GALNTL6: variants seen among roughly 807,000 people sequenced by gnomAD.
The protein encoded by GALNTL6 is polypeptide N-acetylgalactosaminyltransferase like 6.
GALNTL6 carries 46 observed loss-of-function variants against 73.7 expected under a neutral mutation model. The ratio of observed to expected loss-of-function variants is 0.62; its 90% CI spans 0.49 to 0.80. The LOEUF is 0.80. Among genes scored for constraint, GALNTL6 ranks in the 30% least tolerant of loss-of-function variants. The pLI is 0.00. For synonymous variants in GALNTL6, 259 were observed against 263.7 expected, an observed-to-expected ratio of 0.98 and a Z score of 0.17; for missense variants, 604 against 755.0, an observed-to-expected ratio of 0.80 and a Z score of 2.34.
chr4:172,228,904 A>G (rs1334562695), intron 2 of GALNTL6, among the ~76,000 whole-genome samples: 1 of 152,236 alleles, frequency 6.6e-6, no homozygotes, highest in African/African-American at 2.4e-5. Flanking sequence ...TTGGAAAAGC[A>G]TAAACTATAT....
intron 5 of GALNTL6, among the ~76,000 whole-genome samples, chr4:172,662,985 C>G (rs1264821734): frequency 6.6e-6 from 1 of 152,092 alleles, no homozygotes; most frequent in Non-Finnish European, 1.5e-5. Context: ...GGAGAAAGAG[C>G]CTGCTGGGCA....
intron 10 of GALNTL6, among the ~76,000 whole-genome samples, chr4:172,984,226 A>G (rs1164417822): frequency 6.6e-6 from 1 of 152,248 alleles, no homozygotes; most frequent in Admixed American, 6.5e-5. Flanking sequence ...ATAAGGAAAG[A>G]GCTTTAATGG....
intron 2 of GALNTL6, among the ~76,000 whole-genome samples, chr4:172,229,141 C>T (rs1023725556): frequency 2.0e-5 from 3 of 152,084 alleles, no homozygotes; most frequent in African/African-American, 7.2e-5. Context: ...ATTTACAACT[C>T]GAGGCTATCA....
At chr4:173,014,036 C>T (rs890461617) in intron 11 of GALNTL6, among the ~76,000 whole-genome samples, 2 of 137,414 alleles carry the variant, frequency 1.5e-5, no homozygotes, top group African/African-American at 5.1e-5. Flanking sequence ...TGAAATAATC[C>T]GTTTTTTTCC....
intron 2 of GALNTL6, among the ~76,000 whole-genome samples, chr4:171,887,289 A>G (rs753008016): frequency 2.0e-5 from 3 of 152,192 alleles, no homozygotes; most frequent in Non-Finnish European, 4.4e-5. Flanking sequence ...GGAGGAAACA[A>G]AACATTCAAA....
chr4:171,828,091 C>T (rs1734872476), intron 2 of GALNTL6, among the ~76,000 whole-genome samples: 1 of 152,238 alleles, frequency 6.6e-6, no homozygotes, highest in East Asian at 1.9e-4. Context: ...ATACCTGGCA[C>T]CATTCACAAT....
chr4:172,156,181 G>T (rs572065560), intron 2 of GALNTL6, among the ~76,000 whole-genome samples: 1 of 152,158 alleles, frequency 6.6e-6, no homozygotes, highest in African/African-American at 2.4e-5. Context: ...TGAAGTGACT[G>T]CTACGTAGTA....
intron 5 of GALNTL6, among the ~76,000 whole-genome samples, chr4:172,404,037 G>A (rs1012204229): frequency 2.0e-5 from 3 of 151,946 alleles, no homozygotes; most frequent in Non-Finnish European, 4.4e-5. Context: ...TGCCTGCACA[G>A]CCCAGGGGTA....
At chr4:172,176,296 C>T (rs1346570573) in intron 2 of GALNTL6, among the ~76,000 whole-genome samples, 2 of 118,972 alleles carry the variant, frequency 1.7e-5, no homozygotes, top group Non-Finnish European at 1.6e-5. Flanking sequence ...GCCGAGATCG[C>T]GCCACTGCAC....
intron 10 of GALNTL6, among the ~76,000 whole-genome samples, chr4:172,977,781 G>A (rs1750886624): frequency 1.3e-5 from 2 of 152,156 alleles, no homozygotes; most frequent in South Asian, 4.1e-4. Flanking sequence ...TGCAGTAGCT[G>A]TACATGCTTG....
chr4:172,589,139 C>T (rs1235874940), intron 5 of GALNTL6, among the ~76,000 whole-genome samples: 1 of 151,926 alleles, frequency 6.6e-6, no homozygotes, highest in African/African-American at 2.4e-5. Flanking sequence ...ATAGGAGAAA[C>T]ACCTTGTGTT....
intron 5 of GALNTL6, among the ~76,000 whole-genome samples, chr4:172,357,628 G>GAT (rs200429028): frequency 0.052 from 1,302 of 25,038 alleles, 26 homozygotes; most frequent in Middle Eastern, 0.088. Flanking sequence ...TATATATATA[G>GAT]ATATATACAC....
At chr4:172,054,952 A>C (rs1730980463) in intron 2 of GALNTL6, among the ~76,000 whole-genome samples, 2 of 152,150 alleles carry the variant, frequency 1.3e-5, no homozygotes, top group Admixed American at 1.3e-4. Context: ...ACAAACTTTG[A>C]CTGTCTCAAT....
chr4:172,524,290 C>A (rs184838949), intron 5 of GALNTL6, among the ~76,000 whole-genome samples: 2 of 151,224 alleles, frequency 1.3e-5, no homozygotes, highest in Non-Finnish European at 2.9e-5. Flanking sequence ...ACTCTGTCGC[C>A]CAGGCTGGAG....
intron 3 of GALNTL6, among the ~76,000 whole-genome samples, chr4:172,306,199 G>A (rs1175798633): frequency 6.6e-6 from 1 of 152,074 alleles, no homozygotes; most frequent in Admixed American, 6.6e-5. Flanking sequence ...GACCAACCTG[G>A]CTAACATGGT....
intron 3 of GALNTL6, among the ~76,000 whole-genome samples, chr4:172,292,587 A>G (rs1334897212): frequency 1.3e-5 from 2 of 152,124 alleles, no homozygotes; most frequent in South Asian, 2.1e-4. Context: ...TACTGACATC[A>G]TGGTTGTTTA....
chr4:172,334,983 C>CT (rs34428087), intron 4 of GALNTL6, among the ~76,000 whole-genome samples: 1,606 of 141,600 alleles, frequency 0.011, 19 homozygotes, highest in African/African-American at 0.024. Context: ...AATCATATGA[C>CT]TTTTTTTTTT....
At chr4:171,854,925 T>A (rs1192090621) in intron 2 of GALNTL6, among the ~76,000 whole-genome samples, 2 of 152,210 alleles carry the variant, frequency 1.3e-5, no homozygotes, top group Non-Finnish European at 2.9e-5. Context: ...TGCGTTTCTA[T>A]GGGATCAGAC....
chr4:172,878,161 T>C (rs1745285142), intron 7 of GALNTL6, among the ~76,000 whole-genome samples: 1 of 151,996 alleles, frequency 6.6e-6, no homozygotes, highest in Admixed American at 6.6e-5. Flanking sequence ...CTGTAATGAA[T>C]GAGGGAAACT....
Sources: allele counts gnomAD v4.1 joint callset (sites outside exome capture counted in the v4.1 genomes callset), GRCh38; gene constraint gnomAD v4.1.1; transcripts MANE v1.5; gene names NCBI Gene and HGNC (gene_info 2026-07-23, HGNC 2026-07-21).